DAB1: variants seen among roughly 807,000 people sequenced by gnomAD.
DAB1 encodes the protein DAB adaptor protein 1.
DAB1 carries 15 observed loss-of-function variants against 64.6 expected under a neutral mutation model. The observed-to-expected ratio is 0.23, with a 90% confidence interval of 0.16 to 0.36. The LOEUF (loss-of-function observed/expected upper bound fraction) is 0.36, where lower values mean the gene tolerates loss of function less well. Ranked by LOEUF, DAB1 falls within the 10% of genes least tolerant of loss-of-function variation. DAB1 has a pLI of 1.00. For synonymous variants in DAB1, 235 were observed against 251.9 expected (o/e 0.93, Z 0.64); for missense variants, 596 against 706.7 (o/e 0.84, Z 1.78).
chr1:58,444,450 G>C (rs1392664284), intron 3 of DAB1, among the ~76,000 whole-genome samples: 1 of 152,208 alleles, frequency 6.6e-6, no homozygotes, highest in African/African-American at 2.4e-5. Context: ...ACTTGAACTA[G>C]GTGGCCTGAC....
At chr1:57,343,713 C>A (rs982706514) in intron 1 of DAB1, among the ~76,000 whole-genome samples, 14 of 152,200 alleles carry the variant, frequency 9.2e-5, no homozygotes, top group African/African-American at 3.4e-4. Flanking sequence ...GTGGGGTCCG[C>A]GGAGCCCACG....
At chr1:57,633,235 C>G (rs1253368361) in intron 7 of DAB1, among the ~76,000 whole-genome samples, 1 of 152,144 alleles carries the variant, frequency 6.6e-6, no homozygotes, top group African/African-American at 2.4e-5. Flanking sequence ...GAGGAGGGGG[C>G]CGAGATGACA....
chr1:57,853,816 A>T (rs1653637799), intron 1 of DAB1, among the ~76,000 whole-genome samples: 1 of 152,172 alleles, frequency 6.6e-6, no homozygotes, highest in South Asian at 2.1e-4. Context: ...TGGTACCCAG[A>T]CTGTGTTACA....
intron 5 of DAB1, among the ~76,000 whole-genome samples, chr1:57,990,570 C>T (rs1646318929): frequency 6.6e-6 from 1 of 152,192 alleles, no homozygotes; most frequent in Non-Finnish European, 1.5e-5. Flanking sequence ...AGGGAGGGGC[C>T]TGACACAGGT....
In DAB1 at chr1:58,071,363, GGTGTGTGTGTGTGTGTGT is replaced by G. The variant is rs548977353; in HGVS notation, n.387+79130_387+79147del. 4.4e-5 allele frequency among the ~76,000 whole-genome samples: 6 copies of G among 135,666 alleles called. 1 individual carries two copies. Among genetic ancestry groups the G allele is most frequent in the Non-Finnish European group, 9.4e-5 (6 of 63,824 alleles). 89.0% of individuals were successfully genotyped at this position (135,666 alleles called of 152,430 possible). A position where few individuals can be genotyped will look rare whatever the true frequency, so the allele number is the denominator to read the frequency against. ...AACTCTACCTCCATCAAAGGAGAAT[GGTGTGTGTGTGTGTGTGT>G]GTGTGTGTGTGTGTGTGTGTGTGTG... On this transcript the variant is annotated intron_variant and non_coding_transcript_variant, in intron 5 of 20. Transcript: ENST00000485760.
chr1:57,569,125 G>A (rs1645161125), intron 7 of DAB1, among the ~76,000 whole-genome samples: 2 of 149,910 alleles, frequency 1.3e-5, no homozygotes, highest in Admixed American at 1.3e-4. Flanking sequence ...GGGCGAGATG[G>A]CGGGCGCCTG....
intron 4 of DAB1, among the ~76,000 whole-genome samples, chr1:58,293,395 G>C (rs542194755): frequency 1.8e-4 from 27 of 152,114 alleles, no homozygotes; most frequent in Non-Finnish European, 3.2e-4. Context: ...TTCTGCAAAT[G>C]CTCAGCAGAG....
intron 3 of DAB1, among the ~76,000 whole-genome samples, chr1:58,495,872 G>C (rs780721982): frequency 2.0e-5 from 3 of 152,158 alleles, no homozygotes; most frequent in Non-Finnish European, 2.9e-5. Flanking sequence ...GAAAGGTCCA[G>C]AGTCATTCTT....
At chr1:57,445,500 G>A (rs1007361751) in intron 7 of DAB1, among the ~76,000 whole-genome samples, 16 of 152,064 alleles carry the variant, frequency 1.1e-4, no homozygotes, top group African/African-American at 3.9e-4. Flanking sequence ...GCTACTATCT[G>A]TAAAGACCCC....
At chr1:57,689,612 T>A (rs1370127334) in intron 6 of DAB1, among the ~76,000 whole-genome samples, 1 of 152,248 alleles carries the variant, frequency 6.6e-6, no homozygotes, top group South Asian at 2.1e-4. Context: ...AATGCTATGA[T>A]TAATTTTTTT....
chr1:57,693,774 T>G (rs1202987319), intron 6 of DAB1, among the ~76,000 whole-genome samples: 3 of 152,154 alleles, frequency 2.0e-5, no homozygotes, highest in East Asian at 1.9e-4. Flanking sequence ...ACTCTGGATG[T>G]GTCTGAAGGA....
At chr1:57,271,759 G>A (rs1341692454) in intron 2 of DAB1, among the ~76,000 whole-genome samples, 1 of 152,200 alleles carries the variant, frequency 6.6e-6, no homozygotes, top group Admixed American at 6.5e-5. Context: ...GCTGATTTTT[G>A]TTTGGTAGTT....
chr1:57,199,402 A>T (rs969769585), intron 2 of DAB1, among the ~76,000 whole-genome samples: 49 of 152,160 alleles, frequency 3.2e-4, no homozygotes, highest in Non-Finnish European at 2.6e-4. Context: ...AGGTGCAAAC[A>T]CCTGGAGAGA....
chr1:58,333,234 T>C (rs1263593686), intron 4 of DAB1, among the ~76,000 whole-genome samples: 1 of 152,130 alleles, frequency 6.6e-6, no homozygotes, highest in Non-Finnish European at 1.5e-5. Context: ...TGGTCAAGCT[T>C]AGAGTGTGCG....
At chr1:58,422,917 T>C (rs1448627073) in intron 3 of DAB1, among the ~76,000 whole-genome samples, 1 of 152,160 alleles carries the variant, frequency 6.6e-6, no homozygotes, top group Non-Finnish European at 1.5e-5. Context: ...GCAAATCTGA[T>C]TGGCCAAACT....
intron 3 of DAB1, among the ~76,000 whole-genome samples, chr1:58,394,481 G>A (rs1477870496): frequency 4.6e-5 from 7 of 152,130 alleles, no homozygotes; most frequent in East Asian, 1.9e-4. Context: ...CCATTACCTC[G>A]TGAATGGTTA....
intron 4 of DAB1, among the ~76,000 whole-genome samples, chr1:58,295,017 T>G (rs1461823328): frequency 6.6e-6 from 1 of 152,076 alleles, no homozygotes; most frequent in Non-Finnish European, 1.5e-5. Context: ...CAAAGCACTT[T>G]ATGGGGAACG....
intron 7 of DAB1, among the ~76,000 whole-genome samples, chr1:57,646,517 A>G (rs1646192706): frequency 6.6e-6 from 1 of 152,146 alleles, no homozygotes. Context: ...GGAGACTGAG[A>G]TGAGAGAATT....
intron 5 of DAB1, among the ~76,000 whole-genome samples, chr1:58,130,930 T>C (rs201821614): frequency 0.084 from 6,320 of 75,070 alleles, no homozygotes; most frequent in Middle Eastern, 0.12. Flanking sequence ...CTGACAATTA[T>C]GTGTCTTGGA....
Sources: gnomAD v4.1 joint callset for allele counts (sites outside exome capture counted in the v4.1 genomes callset) on GRCh38, gnomAD v4.1.1 for gene constraint, MANE v1.5 for transcripts, NCBI Gene and HGNC (gene_info 2026-07-23, HGNC 2026-07-21) for gene names.